The following RNF111 variants were observed in gnomAD, a reference collection of about 807,000 sequenced individuals.
RNF111 encodes ring finger protein 111.
In RNF111, 17 loss-of-function variants were observed where a neutral mutation model predicts 95.1. The observed-to-expected ratio is 0.18, with a 90% CI of 0.12 to 0.27. RNF111 has a LOEUF of 0.27. Ranked by LOEUF, RNF111 falls within the 10% of genes least tolerant of loss-of-function variation. RNF111 has a pLI of 1.00. For synonymous variants in RNF111, 440 were observed against 414.8 expected, an observed-to-expected ratio of 1.06 and a Z score of -0.74; for missense variants, 1,189 against 1,210.4, an observed-to-expected ratio of 0.98 and a Z score of 0.26.
intron 2 of RNF111, among the ~76,000 whole-genome samples, chr15:59,038,298 TA>T (rs1268503158): frequency 6.6e-6 from 1 of 152,214 alleles, no homozygotes; most frequent in East Asian, 1.9e-4. Context: ...TATTAGGCTT[TA>T]AAAAATTATC....
intron 3 of RNF111, among the ~76,000 whole-genome samples, chr15:59,053,526 T>TGAG (rs2042079133): frequency 6.6e-6 from 1 of 152,238 alleles, no homozygotes; most frequent in Admixed American, 6.5e-5. Context: ...CTTTTCCACT[T>TGAG]GCCATTTTAG....
chr15:59,042,760 T>A (rs540252228), intron 2 of RNF111, among the ~76,000 whole-genome samples: 99 of 152,210 alleles, frequency 6.5e-4, no homozygotes, highest in Admixed American at 1.4e-3. Flanking sequence ...GTTTATGGAG[T>A]TTTTACTCCG....
Position 59,096,442 on chromosome 15 carries a change from A to G in RNF111, c.*1542A>G. On this transcript the variant is annotated 3_prime_UTR_variant, in exon 14 of 14. Transcript: ENST00000348370. The stretch of plus-strand genomic sequence containing the variant: ...TATATTTCTATTGTCTTTGTGTTTC[A>G]TAATTAGTTTTTATAAAAACAGTTT... The G allele has an allele frequency of 5.4e-6, 1 of 183,838 alleles. No homozygotes were observed. Among genetic ancestry groups the G allele is most frequent in the Non-Finnish European group, 1.1e-5 (1 of 89,446 alleles). The allele number at this position is 183,838 out of a possible 1,614,324, so 11.4% of individuals were successfully genotyped here.
chr15:59,067,283 T>C (rs2042705972), intron 6 of RNF111, among the ~76,000 whole-genome samples, 200 bp downstream of exon 6: 1 of 148,462 alleles, frequency 6.7e-6, no homozygotes, highest in Non-Finnish European at 1.5e-5. Flanking sequence ...CTTCCTTTCC[T>C]CTCTTCCCCT....
At chr15:59,062,322 T>C (rs1378581265) in intron 5 of RNF111, among the ~76,000 whole-genome samples, 1 of 152,156 alleles carries the variant, frequency 6.6e-6, no homozygotes, top group Non-Finnish European at 1.5e-5. Context: ...GGATTACAAG[T>C]GTGAGCCACC....
chr15:59,020,647 A>G (rs2040294558), intron 1 of RNF111, among the ~76,000 whole-genome samples: 1 of 152,232 alleles, frequency 6.6e-6, no homozygotes, highest in African/African-American at 2.4e-5. Context: ...AACAAGACAG[A>G]TGAGAAAATC....
At chr15:58,994,842 T>C (rs1000846012) in intron 1 of RNF111, among the ~76,000 whole-genome samples, 6 of 152,214 alleles carry the variant, frequency 3.9e-5, no homozygotes, top group Admixed American at 6.5e-5. Context: ...TGCCCATTTG[T>C]TTCTAAATAT....
intron 10 of RNF111, among the ~76,000 whole-genome samples, chr15:59,086,607 C>T (rs1245160608): frequency 2.0e-5 from 3 of 152,184 alleles, no homozygotes; most frequent in African/African-American, 7.2e-5. Context: ...AGAGGCACTG[C>T]AGGAAAGCTT....
At chr15:58,992,707 C>A (rs988562897) in intron 1 of RNF111, among the ~76,000 whole-genome samples, 2 of 152,084 alleles carry the variant, frequency 1.3e-5, no homozygotes, top group African/African-American at 4.8e-5. Context: ...GTAGTCCCAG[C>A]TACTCGGGAG....
chr15:59,032,008 G>A (rs1312598748), intron 2 of RNF111, among the ~76,000 whole-genome samples: 3 of 151,684 alleles, frequency 2.0e-5, no homozygotes, highest in East Asian at 3.9e-4. Context: ...GCGCAATCTC[G>A]GCTCACTGCA....
intron 2 of RNF111, among the ~76,000 whole-genome samples, chr15:59,037,910 A>G (rs1450784036): frequency 6.6e-6 from 1 of 152,212 alleles, no homozygotes; most frequent in East Asian, 1.9e-4. Flanking sequence ...ATATGCTCCT[A>G]AATAAGAGAG....
chr15:59,034,072 A>G (rs1287075717), intron 2 of RNF111, among the ~76,000 whole-genome samples: 1 of 152,226 alleles, frequency 6.6e-6, no homozygotes, highest in African/African-American at 2.4e-5. Context: ...AGTAATCACT[A>G]TTAGTAGTTT....
Position 59,058,434 on chromosome 15 carries a change from C to G in RNF111, c.1250C>G (p.Ser417Cys), listed in dbSNP as rs1166045898. 6.2e-7 allele frequency: 1 copy of G among 1,614,102 alleles called. No homozygotes were observed. The highest frequency in any genetic ancestry group is 1.7e-5 in the Admixed American group (1 of 60,018). ...GCTTCCATTAACAATTCAAATCCAT[C>G]TACCTCTGAGCAGGCCTCTGATACT... ...TSASINNSNP[S>C]TSEQASDTAS... Residue 417 changes from serine to cysteine, a missense_variant, in exon 5 of 14, where the codon TCT becomes TGT. By Grantham distance (112) the Ser-to-Cys change is moderately radical. Around this residue, in one of 2 missense-constraint regions of RNF111, gnomAD observed 1,024 missense variants for 925.9 expected, o/e 1.11. Coordinates refer to ENST00000348370, the MANE Select transcript of RNF111 (RefSeq NM_017610.8).
chr15:59,071,159 G>A (rs190853421), intron 6 of RNF111, among the ~76,000 whole-genome samples: 8 of 151,976 alleles, frequency 5.3e-5, no homozygotes, highest in African/African-American at 9.7e-5. Flanking sequence ...GTAGCCGGGC[G>A]TGGTGGTGGG....
intron 1 of RNF111, among the ~76,000 whole-genome samples, chr15:59,007,859 G>GC (rs2039611426): frequency 6.6e-6 from 1 of 152,030 alleles, no homozygotes; most frequent in African/African-American, 2.4e-5. Context: ...GAATATAAGA[G>GC]TTTTTTATAT....
chr15:59,069,471 G>GCTGTATTGTAT (rs1356588037), intron 6 of RNF111, among the ~76,000 whole-genome samples: 1 of 152,186 alleles, frequency 6.6e-6, no homozygotes, highest in African/African-American at 2.4e-5. Flanking sequence ...GCTAGTTTGA[G>GCTGTATTGTAT]ACATCAATTA....
intron 10 of RNF111, among the ~76,000 whole-genome samples, chr15:59,088,088 A>C (rs2140222684): frequency 6.6e-6 from 1 of 152,334 alleles, no homozygotes; most frequent in Middle Eastern, 3.4e-3. Context: ...TAGAGAATTT[A>C]GGTTTGGAAA....
rs769622755 is a variant in RNF111, at chr15:59,089,668, T to C, written c.2552T>C (p.Val851Ala). 54 of 1,610,826 alleles carry C rather than the reference T, an allele frequency of 3.4e-5. No homozygotes were observed. The highest frequency in any genetic ancestry group is 3.4e-6 in the Non-Finnish European group (4 of 1,177,712). ...HLQLGALPLM[V>A]PDMAGYPHIR... ...AGCCTATCTCTTCTGTTGAAATAGGTTCCTGATATGGCAGGCTATCCTCAC... is the reference window on the plus strand; with the variant it reads ...AGCCTATCTCTTCTGTTGAAATAGGCTCCTGATATGGCAGGCTATCCTCAC... The change falls in exon 11 of 14, where the codon GTT (valine) becomes GCT (alanine). Residue 851 changes from valine to alanine, a missense_variant and splice_region_variant. Coordinates refer to ENST00000348370, the MANE Select transcript of RNF111 (RefSeq NM_017610.8).
At chr15:59,025,132 T>C (rs2040537595) in intron 1 of RNF111, among the ~76,000 whole-genome samples, 1 of 152,322 alleles carries the variant, frequency 6.6e-6, no homozygotes, top group Admixed American at 6.5e-5. Context: ...CGATCCGCCC[T>C]CCTCCGCCTC....
Sources: allele counts gnomAD v4.1 joint callset (sites outside exome capture counted in the v4.1 genomes callset), GRCh38; gene constraint gnomAD v4.1.1; regional missense constraint gnomAD v4.1.1; transcripts MANE v1.5; gene names NCBI Gene and HGNC (gene_info 2026-07-23, HGNC 2026-07-21).